The following MICU1 variants were observed in gnomAD, a reference collection of about 807,000 sequenced individuals.
The protein encoded by MICU1 is calcium uptake protein 1, mitochondrial.
A neutral mutation model predicts 56.8 loss-of-function variants in MICU1; 45 were observed. That is an observed-to-expected ratio of 0.79 (90% CI 0.62 to 1.02). The LOEUF (loss-of-function observed/expected upper bound fraction) is 1.02. MICU1 is among the 50% of genes least tolerant of loss of function. The probability of loss-of-function intolerance (pLI) is 0.00; values close to 1 mark genes in which losing one functional copy is unlikely to be tolerated. For missense variants in MICU1, 504 were observed against 587.1 expected (o/e 0.86, Z 1.46); for synonymous variants, 186 against 195.1 (o/e 0.95, Z 0.39).
intron 10 of MICU1, among the ~76,000 whole-genome samples, chr10:72,395,623 A>AT (rs1214320706): frequency 2.0e-5 from 3 of 152,186 alleles, no homozygotes; most frequent in Non-Finnish European, 4.4e-5. Flanking sequence ...AGGCAAGGTG[A>AT]TTCTCTCCTG....
chr10:72,482,916 C>T (rs1293363883), intron 6 of MICU1, among the ~76,000 whole-genome samples: 2 of 151,274 alleles, frequency 1.3e-5, no homozygotes, highest in African/African-American at 2.4e-5. Flanking sequence ...AGTGCAGTGG[C>T]GTGATTTTGG....
intron 1 of MICU1, among the ~76,000 whole-genome samples, chr10:72,588,965 C>T: frequency 6.6e-6 from 1 of 152,142 alleles, no homozygotes; most frequent in African/African-American, 2.4e-5. Context: ...AAATCAATAG[C>T]CTTCATGTAT....
chr10:72,379,200 A>G (rs537606814), intron 10 of MICU1, among the ~76,000 whole-genome samples: 3 of 152,224 alleles, frequency 2.0e-5, no homozygotes, highest in Non-Finnish European at 2.9e-5. Flanking sequence ...GAGAACTACA[A>G]TGATGACAGC....
At position 72,556,590 on chromosome 10, in the gene MICU1, C is replaced by T. The variant is rs1280925457; in HGVS notation, c.331-5249G>A. Among the ~76,000 whole-genome samples the T allele has an allele frequency of 2.6e-5, 4 of 152,116 alleles. No individual in the cohort carries two copies. The East Asian group carries it at 5.8e-4, about 22-fold the overall frequency. ...CTGAGCTCAGGTGATCCACCCACCT[C>T]GGCCTCCCATAGTGCTGGGATTACA... On this transcript the variant is annotated intron_variant, in intron 3 of 11. Coordinates refer to ENST00000361114, the MANE Select transcript of MICU1 (RefSeq NM_001195518.2).
chr10:72,593,833 C>G (rs1244220620), intron 1 of MICU1, among the ~76,000 whole-genome samples: 1 of 152,002 alleles, frequency 6.6e-6, no homozygotes, highest in Non-Finnish European at 1.5e-5. Context: ...AAAACTTGTA[C>G]AATGAAAACT....
At chr10:72,524,113 C>T (rs2132389798) in intron 5 of MICU1, 1 of 562,094 alleles carries the variant, frequency 1.8e-6, no homozygotes, top group Non-Finnish European at 2.5e-6. Flanking sequence ...CATAATATCC[C>T]AAATAAGACT....
intron 1 of MICU1, among the ~76,000 whole-genome samples, chr10:72,579,133 G>A (rs747193188): frequency 3.3e-5 from 5 of 152,080 alleles, no homozygotes; most frequent in Non-Finnish European, 7.3e-5. Context: ...CATCTTTCCT[G>A]AAATTTTTCT....
At chr10:72,562,422 G>T (rs576359955) in intron 3 of MICU1, among the ~76,000 whole-genome samples, 69 of 152,204 alleles carry the variant, frequency 4.5e-4, no homozygotes, top group Middle Eastern at 6.8e-3. Flanking sequence ...CCAGAGTGCT[G>T]GGATTATAGG....
chr10:72,460,161 G>A (rs939883276), intron 8 of MICU1, among the ~76,000 whole-genome samples: 56 of 152,014 alleles, frequency 3.7e-4, no homozygotes, highest in Non-Finnish European at 7.2e-4. Context: ...CCAAATATCC[G>A]TGGTGCACCA....
intron 1 of MICU1, among the ~76,000 whole-genome samples, chr10:72,595,270 G>A (rs1180176570): frequency 9.9e-5 from 15 of 151,440 alleles, no homozygotes; most frequent in Non-Finnish European, 4.4e-5. Context: ...TGGCCAACAT[G>A]GAGAAACCCC....
At chr10:72,505,059 C>T (rs1262195722) in intron 6 of MICU1, among the ~76,000 whole-genome samples, 2 of 149,970 alleles carry the variant, frequency 1.3e-5, no homozygotes, top group Non-Finnish European at 3.0e-5. Context: ...CTGCAACCTC[C>T]ACCTCCCGGG....
chr10:72,489,265 GCCTGGGTGACAGAGCGAGA>G (rs1866570807), intron 6 of MICU1, among the ~76,000 whole-genome samples: 1 of 147,634 alleles, frequency 6.8e-6, no homozygotes, highest in Non-Finnish European at 1.5e-5. Flanking sequence ...CACCACTCTA[GCCTGGGTGACAGAGCGAGA>G]CTCTGTCACA....
At chr10:72,415,662 A>G (rs560808491) in intron 9 of MICU1, among the ~76,000 whole-genome samples, 1 of 152,312 alleles carries the variant, frequency 6.6e-6, no homozygotes, top group East Asian at 1.9e-4. Context: ...CAAACTTTTT[A>G]GCCTGGGATT....
intron 9 of MICU1, 126 bp downstream of exon 9, chr10:72,423,108 C>T (rs1864230573): frequency 2.3e-6 from 3 of 1,291,384 alleles, no homozygotes; most frequent in Admixed American, 2.6e-5. Context: ...ACCTCAGGTA[C>T]CAGAAATGAA....
intron 5 of MICU1, chr10:72,524,780 A>G: frequency 1.6e-6 from 2 of 1,221,026 alleles, no homozygotes; most frequent in East Asian, 3.2e-5. Flanking sequence ...AAAAACATTG[A>G]CATTGTTTGA....
At chr10:72,592,187 T>C (rs1210443564) in intron 1 of MICU1, among the ~76,000 whole-genome samples, 1 of 151,790 alleles carries the variant, frequency 6.6e-6, no homozygotes, top group Non-Finnish European at 1.5e-5. Context: ...TTTTTGTATT[T>C]TTAGTGCAAA....
At chr10:72,384,869 A>T (rs1016682302) in intron 10 of MICU1, among the ~76,000 whole-genome samples, 5 of 152,178 alleles carry the variant, frequency 3.3e-5, no homozygotes, top group African/African-American at 1.2e-4. Flanking sequence ...TGATGAACTG[A>T]AGTGCAAGAG....
intron 8 of MICU1, among the ~76,000 whole-genome samples, chr10:72,443,472 T>G (rs568353184): frequency 6.6e-6 from 1 of 152,350 alleles, no homozygotes; most frequent in South Asian, 2.1e-4. Context: ...TGGTAATGCC[T>G]AGGTTTTCTT....
Position 72,509,250 on chromosome 10 carries a change from C to G in MICU1, c.538-981G>C, listed in dbSNP as rs878922084. On this transcript the variant is annotated intron_variant, in intron 5 of 11. Transcript: ENST00000361114. ...AAAAATAGATTTTAAAAACCCAAAC[C>G]AATAAAGCACAATCAAAGTAATAAT... The G allele has an allele frequency of 5.6e-6, 3 of 533,024 alleles. No individual in the cohort carries two copies. In the South Asian group the frequency reaches 6.4e-5, roughly 11 times the overall value. 33.0% of individuals were successfully genotyped at this position (533,024 alleles called of 1,614,324 possible). A position where few individuals can be genotyped will look rare whatever the true frequency, so the allele number is the denominator to read the frequency against.
Sources: gnomAD v4.1 joint callset for allele counts (sites outside exome capture counted in the v4.1 genomes callset) on GRCh38, gnomAD v4.1.1 for gene constraint, MANE v1.5 for transcripts, NCBI Gene and HGNC (gene_info 2026-07-23, HGNC 2026-07-21) for gene names.